The following BCAS3 variants were observed in gnomAD, a reference collection of about 807,000 sequenced individuals.
BCAS3 encodes the protein BCAS4/BCAS3 fusion.
In BCAS3, 53 loss-of-function variants were observed where a neutral mutation model predicts 116.1. That is an observed-to-expected ratio of 0.46 (90% CI 0.37 to 0.57). The LOEUF is 0.57. Among genes scored for constraint, BCAS3 ranks in the 20% least tolerant of loss-of-function variants. The pLI is 0.00. For synonymous variants in BCAS3, 391 were observed against 408.2 expected, an observed-to-expected ratio of 0.96 and a Z score of 0.51; for missense variants, 917 against 1,165.4, an observed-to-expected ratio of 0.79 and a Z score of 3.10.
chr17:61,254,770 C>T (rs1271976777), intron 22 of BCAS3, among the ~76,000 whole-genome samples: 5 of 104 alleles, frequency 0.048, no homozygotes, highest in Non-Finnish European at 0.15. Context: ...AGTGAGACTC[C>T]GTCTCAGAAA....
chr17:60,915,111 A>G (rs968489540), intron 12 of BCAS3, among the ~76,000 whole-genome samples: 1 of 152,192 alleles, frequency 6.6e-6, no homozygotes, highest in Non-Finnish European at 1.5e-5. Context: ...AATATATTCT[A>G]TATTTTTATT....
At chr17:61,060,013 G>A (rs1417817958) in intron 19 of BCAS3, among the ~76,000 whole-genome samples, 1 of 151,968 alleles carries the variant, frequency 6.6e-6, no homozygotes, top group East Asian at 1.9e-4. Context: ...AGAAGGGAGT[G>A]AGGAAGGAAG....
chr17:61,110,769 T>A (rs1189265006), intron 22 of BCAS3, among the ~76,000 whole-genome samples: 1 of 152,152 alleles, frequency 6.6e-6, no homozygotes, highest in Non-Finnish European at 1.5e-5. Context: ...CCTGCCTCTG[T>A]AGGCTCCACC....
chr17:61,170,034 G>C (rs11658810), intron 22 of BCAS3, among the ~76,000 whole-genome samples: 100,298 of 151,510 alleles, frequency 0.66, 36,166 homozygotes, highest in South Asian at 0.85. Flanking sequence ...TTTGTATTTT[G>C]AGTAGAGACG....
At chr17:61,006,267 A>G (rs1000288466) in intron 15 of BCAS3, among the ~76,000 whole-genome samples, 3 of 152,136 alleles carry the variant, frequency 2.0e-5, no homozygotes, top group East Asian at 3.8e-4. Context: ...TACAAAGTAC[A>G]TAAAGATAAG....
chr17:61,305,867 G>A (rs1286509774), intron 22 of BCAS3, among the ~76,000 whole-genome samples: 1 of 152,222 alleles, frequency 6.6e-6, no homozygotes, highest in Non-Finnish European at 1.5e-5. Context: ...CTGCACTCCA[G>A]CCTGGGCAAC....
intron 23 of BCAS3, among the ~76,000 whole-genome samples, chr17:61,375,218 TTGTGTGTGTGTG>T (rs59961930): frequency 5.3e-4 from 76 of 142,678 alleles, no homozygotes; most frequent in Non-Finnish European, 9.1e-4. Context: ...AAAGCACTAT[TTGTGTGTGTGTG>T]TGTGTGTGTG....
At chr17:60,691,893 A>G (rs1401126216) in intron 4 of BCAS3, among the ~76,000 whole-genome samples, 9 of 151,996 alleles carry the variant, frequency 5.9e-5, no homozygotes, top group Non-Finnish European at 1.3e-4. Context: ...ATTGTTTATG[A>G]TATCCATGAC....
intron 14 of BCAS3, among the ~76,000 whole-genome samples, chr17:60,987,679 TTGTATCC>T (rs2063232871): frequency 6.6e-6 from 1 of 152,186 alleles, no homozygotes; most frequent in Non-Finnish European, 1.5e-5. Context: ...TATGTTGATT[TTGTATCC>T]TGCAACCTTA....
At chr17:60,782,483 A>G (rs2045918640) in intron 6 of BCAS3, among the ~76,000 whole-genome samples, 1 of 151,946 alleles carries the variant, frequency 6.6e-6, no homozygotes, top group African/African-American at 2.4e-5. Flanking sequence ...TTAAAATTCC[A>G]TGCCCTTTCT....
chr17:61,037,859 A>G lies in BCAS3; in HGVS notation c.1763-30A>G. On this transcript the variant is annotated intron_variant, in intron 17 of 23. Transcript: ENST00000407086. This position sits in a 1 kb window ranked among gnomAD's most constrained non-coding sequence, Gnocchi z 4.7. Reference sequence around the variant, plus strand: ...TCTGTGCTCCATTTATGCCATCATAACACATCGGGTTCTGTTTCTCTGTTT... The same window carrying G: ...TCTGTGCTCCATTTATGCCATCATAGCACATCGGGTTCTGTTTCTCTGTTT... The G allele has an allele frequency of 6.2e-7, 1 of 1,602,124 alleles. No individual in the cohort carries two copies. Among genetic ancestry groups the G allele is most frequent in the Non-Finnish European group, 8.5e-7 (1 of 1,171,040 alleles).
At position 61,258,715 on chromosome 17, in the gene BCAS3, C is replaced by A. The variant is rs1237616029; in HGVS notation, c.2426-109612C>A. ...TTTGGATAATAAATTTTAGTAGACTCATTTGATATAACAGGGACTGGTATA... is the reference window on the plus strand; with the variant it reads ...TTTGGATAATAAATTTTAGTAGACTAATTTGATATAACAGGGACTGGTATA... On this transcript the variant is annotated intron_variant, in intron 22 of 23. Transcript: ENST00000407086. This position sits in a 1 kb window ranked among gnomAD's most constrained non-coding sequence, Gnocchi z 4.7. Among the ~76,000 whole-genome samples the A allele has an allele frequency of 6.6e-6, 1 of 152,180 alleles. No homozygotes were observed. Among genetic ancestry groups the A allele is most frequent in the Non-Finnish European group, 1.5e-5 (1 of 68,028 alleles).
chr17:61,202,502 T>TA (rs1166664114), intron 22 of BCAS3, among the ~76,000 whole-genome samples: 2 of 151,922 alleles, frequency 1.3e-5, no homozygotes, highest in African/African-American at 4.8e-5. Flanking sequence ...CTTTTTTTTT[T>TA]AAAATATTAC....
In BCAS3 at chr17:61,203,434, G is replaced by T. The variant is rs1436478053; in HGVS notation, c.2425+118870G>T. 2.6e-5 allele frequency among the ~76,000 whole-genome samples: 4 copies of T among 152,138 alleles called. No individual in the cohort carries two copies. The highest frequency in any genetic ancestry group is 1.3e-4 in the Admixed American group (2 of 15,270). ...GCCTCCCAAAGTGCTGGTATCACAG[G>T]TGTGAGCCACCGCGCCTGGGCTTCA... On this transcript the variant is annotated intron_variant, in intron 22 of 23. Coordinates refer to ENST00000407086, the MANE Select transcript of BCAS3 (RefSeq NM_017679.5). The surrounding 1 kb of genome is among the most constrained non-coding windows in gnomAD (Gnocchi z 5.7).
chr17:61,373,405 C>A (rs371798348), intron 23 of BCAS3, among the ~76,000 whole-genome samples: 2 of 151,282 alleles, frequency 1.3e-5, no homozygotes, highest in Non-Finnish European at 2.9e-5. Context: ...TTAAAGTATT[C>A]TTGATGCATC....
chr17:61,302,792 A>G lies in BCAS3; in HGVS notation c.2426-65535A>G, dbSNP rs1374967636. On this transcript the variant is annotated intron_variant, in intron 22 of 23. Transcript: ENST00000407086. This position sits in a 1 kb window ranked among gnomAD's most constrained non-coding sequence, Gnocchi z 4.4. ...TTTTTATCTAAGAGAATCCTACAGT[A>G]GTTCAGACTTTGTAGAGAAAGGCAG... 1.3e-5 allele frequency among the ~76,000 whole-genome samples: 2 copies of G among 152,194 alleles called. No individual in the cohort carries two copies.
intron 22 of BCAS3, among the ~76,000 whole-genome samples, chr17:61,303,223 G>T (rs79296136): frequency 1.3e-5 from 2 of 152,174 alleles, no homozygotes; most frequent in South Asian, 4.1e-4. Flanking sequence ...AGCCAGAGCC[G>T]CACACTGCTG....
At chr17:60,898,125 T>C (rs1567820305) in intron 10 of BCAS3, among the ~76,000 whole-genome samples, 1 of 152,174 alleles carries the variant, frequency 6.6e-6, no homozygotes, top group Non-Finnish European at 1.5e-5. Flanking sequence ...CTGATTTTTC[T>C]GTATTGTTTT....
At chr17:61,024,969 A>G (rs563175074) in intron 16 of BCAS3, among the ~76,000 whole-genome samples, 48 of 152,258 alleles carry the variant, frequency 3.2e-4, no homozygotes, top group African/African-American at 1.1e-3. Flanking sequence ...TGGACATTCC[A>G]GATTACAGTC....
Sources: allele counts gnomAD v4.1 joint callset (sites outside exome capture counted in the v4.1 genomes callset), GRCh38; gene constraint gnomAD v4.1.1; non-coding constraint Gnocchi (gnomAD v3.1); transcripts MANE v1.5; gene names NCBI Gene and HGNC (gene_info 2026-07-23, HGNC 2026-07-21).